DEPTOR: variants seen among roughly 807,000 people sequenced by gnomAD.
The protein encoded by DEPTOR is DEP domain-containing mTOR-interacting protein.
In DEPTOR, 41 loss-of-function variants were observed where a neutral mutation model predicts 41.6. The ratio of observed to expected loss-of-function variants is 0.98; its 90% CI spans 0.77 to 1.28. The LOEUF is 1.28. Among genes scored for constraint, DEPTOR ranks in the 50% most tolerant of loss-of-function variants. The pLI, the probability that DEPTOR is intolerant of heterozygous loss-of-function variation, is 0.00. For synonymous variants in DEPTOR, 195 were observed against 192.3 expected, an observed-to-expected ratio of 1.01 and a Z score of -0.12; for missense variants, 514 against 527.9, an observed-to-expected ratio of 0.97 and a Z score of 0.26.
At chr8:119,883,462 G>A (rs1827324782) in intron 1 of DEPTOR, among the ~76,000 whole-genome samples, 2 of 124,412 alleles carry the variant, frequency 1.6e-5, no homozygotes, top group South Asian at 2.8e-4. Flanking sequence ...GCGACAGAGC[G>A]AGACTCGTCT....
intron 1 of DEPTOR, among the ~76,000 whole-genome samples, chr8:119,913,016 G>A (rs917523691): frequency 2.0e-5 from 3 of 152,122 alleles, no homozygotes; most frequent in African/African-American, 4.8e-5. Flanking sequence ...CACCTCCTGG[G>A]TTCAAGAGAT....
At chr8:119,927,141 A>G (rs1827973520) in intron 1 of DEPTOR, among the ~76,000 whole-genome samples, 1 of 152,206 alleles carries the variant, frequency 6.6e-6, no homozygotes. Flanking sequence ...GAAAGGAGAT[A>G]GGAGAATGAG....
intron 8 of DEPTOR, among the ~76,000 whole-genome samples, chr8:120,039,516 G>A (rs1239070887): frequency 5.3e-5 from 8 of 151,860 alleles, no homozygotes; most frequent in African/African-American, 1.9e-4. Flanking sequence ...AGCCAGATGT[G>A]TGATTTGGAG....
intron 3 of DEPTOR, among the ~76,000 whole-genome samples, chr8:119,957,307 C>T (rs775932122): frequency 1.3e-5 from 2 of 152,262 alleles, no homozygotes; most frequent in South Asian, 2.1e-4. Flanking sequence ...AAACTGTGAA[C>T]CACATAGACA....
At chr8:119,878,203 C>T (rs1417601140) in intron 1 of DEPTOR, among the ~76,000 whole-genome samples, 4 of 152,106 alleles carry the variant, frequency 2.6e-5, no homozygotes, top group Non-Finnish European at 2.9e-5. Flanking sequence ...TTAGAAGAGA[C>T]GAGGTTTCTC....
At chr8:119,883,348 G>C (rs1012399823) in intron 1 of DEPTOR, among the ~76,000 whole-genome samples, 2 of 151,832 alleles carry the variant, frequency 1.3e-5, no homozygotes, top group African/African-American at 4.8e-5. Flanking sequence ...GGTGGCAGAC[G>C]CCTGTAGTCC....
At chr8:119,888,260 G>A (rs1474912696) in intron 1 of DEPTOR, among the ~76,000 whole-genome samples, 2 of 152,054 alleles carry the variant, frequency 1.3e-5, no homozygotes, top group African/African-American at 4.8e-5. Flanking sequence ...ACCAAGTGAT[G>A]CCACACTCGT....
chr8:119,991,074 C>CTTTCTTTCTTTCTTTCTTTCTT (rs1812158960), intron 4 of DEPTOR, among the ~76,000 whole-genome samples: 1 of 72,198 alleles, frequency 1.4e-5, no homozygotes, highest in Non-Finnish European at 2.9e-5. Flanking sequence ...TTCTTTCTTT[C>CTTTCTTTCTTTCTTTCTTTCTT]TTTCTTTCTT....
intron 4 of DEPTOR, among the ~76,000 whole-genome samples, chr8:119,980,966 A>T (rs573798345): frequency 6.6e-6 from 1 of 152,168 alleles, no homozygotes. Flanking sequence ...TCCCTTCCCC[A>T]GCACCATGAT....
At chr8:119,996,806 G>A (rs534198030) in intron 4 of DEPTOR, among the ~76,000 whole-genome samples, 7 of 152,280 alleles carry the variant, frequency 4.6e-5, no homozygotes, top group African/African-American at 1.4e-4. Flanking sequence ...CTTAATAAAT[G>A]TATACAGGGC....
chr8:119,958,794 A>G (rs2129948948), intron 3 of DEPTOR, among the ~76,000 whole-genome samples: 1 of 151,734 alleles, frequency 6.6e-6, no homozygotes, highest in East Asian at 1.9e-4. Context: ...AGAAAAAAAG[A>G]AAAAGAAGAA....
chr8:119,961,529 G>T (rs1164796920), intron 3 of DEPTOR, among the ~76,000 whole-genome samples: 1 of 151,976 alleles, frequency 6.6e-6, no homozygotes, highest in Non-Finnish European at 1.5e-5. Context: ...CAGCATGGTT[G>T]GGCTCTGAGT....
chr8:119,962,945 A>G (rs1335642394), intron 3 of DEPTOR, among the ~76,000 whole-genome samples: 3 of 152,184 alleles, frequency 2.0e-5, no homozygotes, highest in Non-Finnish European at 4.4e-5. Flanking sequence ...TGGCTGGACA[A>G]TGTAAGCATT....
At chr8:119,991,396 A>C (rs1339155706) in intron 4 of DEPTOR, among the ~76,000 whole-genome samples, 1 of 151,576 alleles carries the variant, frequency 6.6e-6, no homozygotes, top group Non-Finnish European at 1.5e-5. Context: ...GCTCACTGCA[A>C]CCTCCTCCTC....
At chr8:119,918,546 C>T (rs1253129537) in intron 1 of DEPTOR, among the ~76,000 whole-genome samples, 3 of 152,032 alleles carry the variant, frequency 2.0e-5, no homozygotes, top group Admixed American at 6.6e-5. Context: ...CTGCAACCTC[C>T]GCCTCCTGGG....
At chr8:119,980,454 TTTTC>T (rs1282907730) in intron 4 of DEPTOR, among the ~76,000 whole-genome samples, 2 of 6,264 alleles carry the variant, frequency 3.2e-4, no homozygotes, top group African/African-American at 7.0e-4. Context: ...CATTTTTCTT[TTTTC>T]TTTTCTTTTC....
chr8:119,911,157 C>T (rs900473424), intron 1 of DEPTOR, among the ~76,000 whole-genome samples: 1 of 152,120 alleles, frequency 6.6e-6, no homozygotes, highest in Admixed American at 6.6e-5. Flanking sequence ...ATCAATTTCC[C>T]TGCTAGCTAA....
At chr8:119,881,332 G>A (rs981608138) in intron 1 of DEPTOR, among the ~76,000 whole-genome samples, 2 of 152,074 alleles carry the variant, frequency 1.3e-5, no homozygotes, top group Non-Finnish European at 2.9e-5. Context: ...GACCAGCCTG[G>A]CCAACATAGT....
intron 3 of DEPTOR, among the ~76,000 whole-genome samples, chr8:119,955,413 A>G (rs922516664): frequency 6.6e-6 from 1 of 152,060 alleles, no homozygotes; most frequent in Non-Finnish European, 1.5e-5. Flanking sequence ...TAGGAGTTTT[A>G]TAATTTTAGC....
Sources: allele counts gnomAD v4.1 joint callset (sites outside exome capture counted in the v4.1 genomes callset), GRCh38; gene constraint gnomAD v4.1.1; transcripts MANE v1.5; gene names NCBI Gene and HGNC (gene_info 2026-07-23, HGNC 2026-07-21).